The following LRRC4C variants were observed in gnomAD, a reference collection of about 807,000 sequenced individuals.
LRRC4C encodes leucine-rich repeat-containing protein 4C.
In LRRC4C, 5 loss-of-function variants were observed where a neutral mutation model predicts 33.6. The observed-to-expected ratio is 0.15, with a 90% CI of 0.08 to 0.31. The LOEUF (loss-of-function observed/expected upper bound fraction) is 0.31, where lower values mean the gene tolerates loss of function less well. Ranked by LOEUF, LRRC4C falls within the 10% of genes least tolerant of loss-of-function variation. The pLI is 1.00. For missense variants in LRRC4C, 560 were observed against 796.7 expected (o/e 0.70, Z 3.58); for synonymous variants, 329 against 302.0 (o/e 1.09, Z -0.93).
chr11:41,138,963 G>T (rs1016134072), intron 1 of LRRC4C, among the ~76,000 whole-genome samples: 1 of 152,096 alleles, frequency 6.6e-6, no homozygotes, highest in Non-Finnish European at 1.5e-5. Context: ...TAAAAGCCAT[G>T]TTATGTGTAA....
intron 3 of LRRC4C, among the ~76,000 whole-genome samples, chr11:40,540,302 A>G (rs1158293229): frequency 6.6e-6 from 1 of 152,168 alleles, no homozygotes; most frequent in Non-Finnish European, 1.5e-5. Context: ...ATCAGAAGGA[A>G]ACCCTTTCAG....
chr11:40,232,265 C>CA (rs1281539120), intron 5 of LRRC4C, among the ~76,000 whole-genome samples: 1 of 152,180 alleles, frequency 6.6e-6, no homozygotes, highest in Non-Finnish European at 1.5e-5. Flanking sequence ...TTTGGCCTCC[C>CA]AAAGTGCTGG....
At chr11:40,507,738 A>AT (rs5791383) in intron 3 of LRRC4C, among the ~76,000 whole-genome samples, 4,349 of 135,090 alleles carry the variant, frequency 0.032, 100 homozygotes, top group Admixed American at 0.053. Flanking sequence ...ACTAGATTTA[A>AT]TTTTTTTTTT....
chr11:40,262,148 AC>A (rs1941894541), intron 4 of LRRC4C, among the ~76,000 whole-genome samples: 1 of 152,142 alleles, frequency 6.6e-6, no homozygotes, highest in Admixed American at 6.6e-5. Flanking sequence ...AAAACAAACA[AC>A]CACATCAAAA....
At chr11:41,070,320 G>A (rs1938583989) in intron 1 of LRRC4C, among the ~76,000 whole-genome samples, 1 of 152,038 alleles carries the variant, frequency 6.6e-6, no homozygotes, top group South Asian at 2.1e-4. Flanking sequence ...AACCCTAGAA[G>A]AAAACTGAGG....
chr11:40,230,077 A>G (rs1278020764), intron 5 of LRRC4C, among the ~76,000 whole-genome samples: 1 of 152,212 alleles, frequency 6.6e-6, no homozygotes, highest in African/African-American at 2.4e-5. Flanking sequence ...GGACTCTGAG[A>G]TTCATAGCTC....
intron 3 of LRRC4C, among the ~76,000 whole-genome samples, chr11:40,400,704 G>A (rs1369308495): frequency 6.6e-6 from 1 of 152,030 alleles, no homozygotes. Flanking sequence ...TTGTCATCAT[G>A]CTTTTACTTC....
rs148272490 is a variant in LRRC4C, at chr11:40,597,736, G to T, written c.-270+50406C>A. On this transcript the variant is annotated intron_variant, in intron 3 of 6. Transcript: ENST00000528697. ...AGAGGGCTTAAGGAACGCTGAGCTA[G>T]CAAATTCAATTTCTGTGCCTTTTCC... Among the ~76,000 whole-genome samples the T allele has an allele frequency of 4.7e-3, 713 of 152,266 alleles. 3 individuals carry two copies. The highest frequency in any genetic ancestry group is 7.3e-3 in the Non-Finnish European group (497 of 68,026).
chr11:40,932,218 G>C (rs908035973), intron 2 of LRRC4C, among the ~76,000 whole-genome samples: 4 of 152,028 alleles, frequency 2.6e-5, no homozygotes, highest in Non-Finnish European at 5.9e-5. Flanking sequence ...CACTCAGAGT[G>C]GGAAGAGAGA....
chr11:40,941,145 G>T (rs1958125003), intron 1 of LRRC4C, among the ~76,000 whole-genome samples: 1 of 151,868 alleles, frequency 6.6e-6, no homozygotes, highest in Admixed American at 6.6e-5. Flanking sequence ...TTAGAAATGA[G>T]ATACTTATTT....
intron 4 of LRRC4C, among the ~76,000 whole-genome samples, chr11:40,262,823 G>T (rs1941959047): frequency 6.6e-6 from 1 of 152,050 alleles, no homozygotes; most frequent in Non-Finnish European, 1.5e-5. Flanking sequence ...ACACACCAGG[G>T]CCTGTTGGGG....
At chr11:41,399,695 G>C (rs1325906600) in intron 1 of LRRC4C, among the ~76,000 whole-genome samples, 1 of 151,822 alleles carries the variant, frequency 6.6e-6, no homozygotes, top group Non-Finnish European at 1.5e-5. Flanking sequence ...TTCACACTAA[G>C]GATTTTTTTT....
intron 1 of LRRC4C, among the ~76,000 whole-genome samples, chr11:41,017,182 T>C (rs1855648358): frequency 6.6e-6 from 1 of 152,204 alleles, no homozygotes; most frequent in South Asian, 2.1e-4. Context: ...CAAATATCTT[T>C]ATATTTTGGA....
At chr11:40,427,877 C>T (rs1432414874) in intron 3 of LRRC4C, among the ~76,000 whole-genome samples, 2 of 151,922 alleles carry the variant, frequency 1.3e-5, no homozygotes, top group African/African-American at 4.8e-5. Flanking sequence ...AAAACAAAAA[C>T]CCACAAAAGC....
chr11:41,101,892 A>G, intron 1 of LRRC4C, among the ~76,000 whole-genome samples: 1 of 152,140 alleles, frequency 6.6e-6, no homozygotes, highest in East Asian at 1.9e-4. Flanking sequence ...CAGAAAAACA[A>G]ATAGTTCATT....
chr11:41,123,279 T>G (rs1288672101), intron 1 of LRRC4C, among the ~76,000 whole-genome samples: 8 of 122,202 alleles, frequency 6.5e-5, no homozygotes, highest in Non-Finnish European at 1.0e-4. Flanking sequence ...TTTTTTTTTT[T>G]TTTTTTTTTT....
chr11:40,284,317 C>G (rs1279344551), intron 4 of LRRC4C, among the ~76,000 whole-genome samples: 1 of 152,146 alleles, frequency 6.6e-6, no homozygotes, highest in Admixed American at 6.6e-5. Flanking sequence ...AATAGGCTGG[C>G]TGGCCTGTGC....
intron 1 of LRRC4C, among the ~76,000 whole-genome samples, chr11:41,168,889 T>C (rs1365849405): frequency 1.3e-5 from 2 of 152,178 alleles, no homozygotes; most frequent in African/African-American, 4.8e-5. Context: ...AGATTACTAC[T>C]GAAGCAGATT....
intron 5 of LRRC4C, among the ~76,000 whole-genome samples, chr11:40,164,010 T>G (rs1270181708): frequency 6.6e-6 from 1 of 152,164 alleles, no homozygotes; most frequent in Non-Finnish European, 1.5e-5. Context: ...TGTTAGCACA[T>G]TGTAGCAAGA....
Sources: allele counts gnomAD v4.1 joint callset (sites outside exome capture counted in the v4.1 genomes callset), GRCh38; gene constraint gnomAD v4.1.1; transcripts MANE v1.5; gene names NCBI Gene and HGNC (gene_info 2026-07-23, HGNC 2026-07-21).